Variants in PTPRD observed in about 807,000 individuals in gnomAD.
PTPRD encodes the protein protein tyrosine phosphatase receptor type D, also known as receptor-type tyrosine-protein phosphatase delta.
PTPRD carries 34 observed loss-of-function variants against 214.5 expected under a neutral mutation model. The ratio of observed to expected loss-of-function variants is 0.16; its 90% CI spans 0.12 to 0.21. PTPRD has a LOEUF of 0.21. PTPRD is among the 10% of genes least tolerant of loss of function. The pLI, the probability that PTPRD is intolerant of heterozygous loss-of-function variation, is 1.00. For synonymous variants in PTPRD, 1,128 were observed against 845.7 expected (o/e 1.33, Z -5.79); for missense variants, 2,545 against 2,398.7 (o/e 1.06, Z -1.27).
At chr9:9,212,977 T>G (rs1158976834) in intron 9 of PTPRD, among the ~76,000 whole-genome samples, 1 of 152,202 alleles carries the variant, frequency 6.6e-6, no homozygotes, top group Non-Finnish European at 1.5e-5. Flanking sequence ...CTATAGATTC[T>G]AACTCCTATA....
rs546952655 is a variant in PTPRD, at chr9:8,357,402, A to T, written c.4662-15424T>A. On this transcript the variant is annotated intron_variant, in intron 39 of 45. Coordinates refer to ENST00000381196, the MANE Select transcript of PTPRD (RefSeq NM_002839.4). ...ATCAAATGCCTTGGCAGCCTCACTC[A>T]TGGAGTCTAGGCCTATTTGGAGACC... Among the ~76,000 whole-genome samples, 39 of 152,330 alleles carry T rather than the reference A, an allele frequency of 2.6e-4. No homozygotes were observed. The South Asian group carries it at 7.7e-3, about 30-fold the overall frequency.
At chr9:9,010,669 G>A (rs1441082521) in intron 11 of PTPRD, among the ~76,000 whole-genome samples, 2 of 144,010 alleles carry the variant, frequency 1.4e-5, no homozygotes, top group Admixed American at 1.4e-4. Flanking sequence ...AAGCCAAAGT[G>A]TGGAAGTTGC....
At chr9:9,556,581 A>G (rs908992523) in intron 8 of PTPRD, among the ~76,000 whole-genome samples, 7 of 152,196 alleles carry the variant, frequency 4.6e-5, no homozygotes, top group Non-Finnish European at 8.8e-5. Context: ...GCCTTCCCAC[A>G]TTGTAGATCC....
At chr9:8,758,439 T>C (rs931748588) in intron 11 of PTPRD, among the ~76,000 whole-genome samples, 1 of 152,092 alleles carries the variant, frequency 6.6e-6, no homozygotes, top group Non-Finnish European at 1.5e-5. Flanking sequence ...TTTGATATCA[T>C]TTTGTTTTAA....
intron 5 of PTPRD, among the ~76,000 whole-genome samples, chr9:9,915,445 G>A (rs1258606512): frequency 4.0e-5 from 6 of 151,576 alleles, no homozygotes; most frequent in African/African-American, 1.5e-4. Context: ...TAAGGAAACT[G>A]TGAGATATAA....
At chr9:10,287,438 G>T (rs542393257) in intron 3 of PTPRD, among the ~76,000 whole-genome samples, 34 of 152,208 alleles carry the variant, frequency 2.2e-4, no homozygotes, top group Non-Finnish European at 4.0e-4. Context: ...TTCAGTCCCC[G>T]CATGGAGACT....
At chr9:10,231,983 AGAGAGAGT>A (rs745440364) in intron 3 of PTPRD, among the ~76,000 whole-genome samples, 3,151 of 96,666 alleles carry the variant, frequency 0.033, 75 homozygotes, top group East Asian at 0.21. Context: ...AGAGAGAGAG[AGAGAGAGT>A]GTGTGTGTGT....
At chr9:9,990,360 C>G (rs1205124421) in intron 4 of PTPRD, among the ~76,000 whole-genome samples, 3 of 152,212 alleles carry the variant, frequency 2.0e-5, no homozygotes, top group Non-Finnish European at 2.9e-5. Flanking sequence ...GCCCAGCCAT[C>G]AGATGTGCAG....
chr9:8,407,879 C>CT (rs2093156977), intron 35 of PTPRD, among the ~76,000 whole-genome samples: 2 of 152,176 alleles, frequency 1.3e-5, no homozygotes, highest in Admixed American at 1.3e-4. Context: ...ATTTTTGGAG[C>CT]TTGTCAGAAT....
intron 20 of PTPRD, among the ~76,000 whole-genome samples, chr9:8,519,163 G>A (rs1376994335): frequency 1.3e-5 from 2 of 152,050 alleles, no homozygotes; most frequent in South Asian, 4.1e-4. Context: ...ATTGCTGAAG[G>A]AAGTAAATTA....
At chr9:10,080,966 A>C (rs1201337171) in intron 3 of PTPRD, among the ~76,000 whole-genome samples, 1 of 152,092 alleles carries the variant, frequency 6.6e-6, no homozygotes, top group African/African-American at 2.4e-5. Flanking sequence ...AGGAACAATT[A>C]TCTCTTATTT....
At chr9:8,991,177 C>T (rs972052105) in intron 11 of PTPRD, among the ~76,000 whole-genome samples, 1 of 150,582 alleles carries the variant, frequency 6.6e-6, no homozygotes, top group African/African-American at 2.5e-5. Flanking sequence ...TGAGATGGCG[C>T]CATTGCACTC....
chr9:9,546,677 T>C (rs1234339425), intron 8 of PTPRD, among the ~76,000 whole-genome samples: 3 of 151,878 alleles, frequency 2.0e-5, no homozygotes, highest in African/African-American at 7.2e-5. Flanking sequence ...GTAGATTCTG[T>C]GTTTATAGTA....
intron 9 of PTPRD, among the ~76,000 whole-genome samples, chr9:9,189,870 G>A (rs2099934034): frequency 1.3e-5 from 2 of 151,960 alleles, no homozygotes; most frequent in African/African-American, 2.4e-5. Context: ...CCAGGAATAT[G>A]GTCAAAGTGA....
At chr9:8,925,637 C>T (rs2098876974) in intron 11 of PTPRD, among the ~76,000 whole-genome samples, 1 of 120,852 alleles carries the variant, frequency 8.3e-6, no homozygotes, top group Non-Finnish European at 1.6e-5. Context: ...CCTCAAAAGA[C>T]TACATCAACG....
chr9:8,760,583 G>A (rs913463213), intron 11 of PTPRD, among the ~76,000 whole-genome samples: 3 of 150,066 alleles, frequency 2.0e-5, no homozygotes, highest in Admixed American at 6.7e-5. Flanking sequence ...TCTCTCCCTT[G>A]CTCCCTCTCT....
chr9:8,787,644 G>C (rs948291649), intron 11 of PTPRD, among the ~76,000 whole-genome samples: 1 of 152,184 alleles, frequency 6.6e-6, no homozygotes, highest in Admixed American at 6.5e-5. Flanking sequence ...AACGGAGCAG[G>C]AGAGAAGATT....
intron 4 of PTPRD, among the ~76,000 whole-genome samples, chr9:9,944,658 G>A (rs903545326): frequency 6.6e-6 from 1 of 151,938 alleles, no homozygotes; most frequent in Non-Finnish European, 1.5e-5. Context: ...AGTCTAAGAA[G>A]AGAGCATACA....
chr9:9,672,413 T>A (rs2096849382), intron 7 of PTPRD, among the ~76,000 whole-genome samples: 1 of 152,176 alleles, frequency 6.6e-6, no homozygotes, highest in South Asian at 2.1e-4. Context: ...TTTGAGTATC[T>A]TATTTGATAT....
Sources: allele counts gnomAD v4.1 joint callset (sites outside exome capture counted in the v4.1 genomes callset), GRCh38; gene constraint gnomAD v4.1.1; transcripts MANE v1.5; gene names NCBI Gene and HGNC (gene_info 2026-07-23, HGNC 2026-07-21).